ARMC9: variants seen among roughly 807,000 people sequenced by gnomAD.
ARMC9 encodes the protein lisH domain-containing protein ARMC9.
Under a neutral mutation model 107.0 loss-of-function variants are expected in ARMC9, and 94 were observed. The ratio of observed to expected loss-of-function variants is 0.88; its 90% confidence interval spans 0.74 to 1.04. ARMC9 has a LOEUF of 1.04. ARMC9 is among the 50% of genes least tolerant of loss of function. The pLI, the probability that ARMC9 is intolerant of heterozygous loss-of-function variation, is 0.00. For synonymous variants in ARMC9, 380 were observed against 396.9 expected (o/e 0.96, Z 0.51); for missense variants, 942 against 1,030.1 (o/e 0.91, Z 1.17).
At chr2:231,322,167 G>A (rs892204785) in intron 19 of ARMC9, among the ~76,000 whole-genome samples, 3 of 152,194 alleles carry the variant, frequency 2.0e-5, no homozygotes, top group Non-Finnish European at 2.9e-5. Flanking sequence ...TCCGCGTCGC[G>A]GGGAGCCCTC....
At position 231,211,736 on chromosome 2, in the gene ARMC9, G is replaced by T. The variant is rs144789817; in HGVS notation, c.178-3095G>T. On this transcript the variant is annotated intron_variant, in intron 3 of 24. Transcript: ENST00000611582. ...CCACCAGCAGTACATAAGCGTTCCA[G>T]TTTCTCTACATCCTTGCCAATGCTT... Among the ~76,000 whole-genome samples the T allele has an allele frequency of 1.8e-3, 280 of 152,238 alleles. 3 individuals are homozygous for T. Among genetic ancestry groups the T allele is most frequent in the African/African-American group, 6.4e-3 (267 of 41,534 alleles).
chr2:231,247,631 G>A (rs1301866155), intron 9 of ARMC9, among the ~76,000 whole-genome samples: 1 of 152,188 alleles, frequency 6.6e-6, no homozygotes, highest in Non-Finnish European at 1.5e-5. Context: ...GGTGATGAGA[G>A]GGTTTAACAC....
At chr2:231,275,914 T>A (rs963746435) in intron 14 of ARMC9, among the ~76,000 whole-genome samples, 3 of 152,100 alleles carry the variant, frequency 2.0e-5, no homozygotes, top group African/African-American at 7.2e-5. Flanking sequence ...GATCGTGCCA[T>A]TGCACTCCAG....
chr2:231,256,673 C>T (rs906264863), intron 10 of ARMC9, 53 bp downstream of exon 10: 32 of 1,577,532 alleles, frequency 2.0e-5, no homozygotes, highest in African/African-American at 5.4e-5. Context: ...ATGTGTAAAA[C>T]GGGAATTCAA....
chr2:231,355,092 A>T (rs1429187721), intron 21 of ARMC9, among the ~76,000 whole-genome samples: 1 of 152,216 alleles, frequency 6.6e-6, no homozygotes, highest in Non-Finnish European at 1.5e-5. Flanking sequence ...TAATCCCAGC[A>T]CTTTGGGAGG....
chr2:231,296,990 G>C (rs1356466461), intron 19 of ARMC9, among the ~76,000 whole-genome samples: 1 of 152,180 alleles, frequency 6.6e-6, no homozygotes, highest in Non-Finnish European at 1.5e-5. Context: ...TCTATTTTGG[G>C]GGGAGCATTC....
chr2:231,272,889 G>C, intron 13 of ARMC9, 66 bp from the exon 14 acceptor site: 1 of 1,556,858 alleles, frequency 6.4e-7, no homozygotes. Context: ...CGTGGAAAGT[G>C]GTTTTGTAGC....
intron 19 of ARMC9, among the ~76,000 whole-genome samples, chr2:231,305,134 TC>T (rs900523843): frequency 1.3e-5 from 2 of 152,196 alleles, no homozygotes; most frequent in Non-Finnish European, 2.9e-5. Flanking sequence ...TAAAATTAAT[TC>T]CTACCAGTTC....
Position 231,235,348 on chromosome 2 carries a change from G to A in ARMC9, c.747G>A (p.Val249=), listed in dbSNP as rs770407634. 3.7e-6 allele frequency: 6 copies of A among 1,614,196 alleles called. No individual in the cohort carries two copies. The Admixed American group carries it at 8.3e-5, about 22-fold the overall frequency. Residue 249 remains valine (V), a synonymous_variant, in exon 8 of 25, where the codon GTG becomes GTA. Coordinates refer to ENST00000611582, the MANE Select transcript of ARMC9 (RefSeq NM_001352754.2). Reference sequence around the variant, plus strand: ...TCATTGGAGTCACAGCAGAGCTGGTGGATTCTCTAGAGGCCACAGTCAGCG... The same window carrying A: ...TCATTGGAGTCACAGCAGAGCTGGTAGATTCTCTAGAGGCCACAGTCAGCG... ...HNLIGVTAEL[V]DSLEATVSGK... is the part of the protein sequence containing the mutation.
At chr2:231,314,910 T>G (rs1194224219) in intron 19 of ARMC9, among the ~76,000 whole-genome samples, 1 of 152,222 alleles carries the variant, frequency 6.6e-6, no homozygotes, top group Non-Finnish European at 1.5e-5. Flanking sequence ...TTGAAAAGAC[T>G]ATTATTCAAC....
intron 1 of ARMC9, among the ~76,000 whole-genome samples, chr2:231,205,671 A>C (rs2031870617): frequency 6.6e-6 from 1 of 152,210 alleles, no homozygotes. Context: ...CCATAAACTG[A>C]GTGGTGTCAA....
At chr2:231,254,680 G>GA (rs1167194043) in intron 9 of ARMC9, among the ~76,000 whole-genome samples, 6 of 151,248 alleles carry the variant, frequency 4.0e-5, no homozygotes, top group East Asian at 1.9e-4. Context: ...GAAAAAAATT[G>GA]AAAAAAATTG....
At chr2:231,293,801 C>T (rs899341196) in intron 18 of ARMC9, 1 of 152,164 alleles carries the variant, frequency 6.6e-6, no homozygotes, top group Non-Finnish European at 1.5e-5. Context: ...GGCAGGAGCC[C>T]GCCACTTTGA....
intron 19 of ARMC9, among the ~76,000 whole-genome samples, chr2:231,307,258 A>G (rs1342375225): frequency 1.3e-5 from 2 of 152,206 alleles, no homozygotes; most frequent in Non-Finnish European, 2.9e-5. Context: ...TGGCATAAGC[A>G]TGCTGAGGAC....
Position 231,271,044 on chromosome 2 carries a change from C to G in ARMC9, c.1182C>G (p.Leu394=). 3 of 1,614,138 alleles carry G rather than the reference C, an allele frequency of 1.9e-6. No individual in the cohort carries two copies. The highest frequency in any genetic ancestry group is 2.5e-6 in the Non-Finnish European group (3 of 1,180,030). The change falls in exon 13 of 25, where the codon CTC becomes CTG. Residue 394 remains leucine, a synonymous_variant. Coordinates refer to ENST00000611582, the MANE Select transcript of ARMC9 (RefSeq NM_001352754.2). ...SDVVRQYMAR[L]INAFASLAEG... ...TGGTGCGGCAGTACATGGCCAGGCTCATCAATGCTTTTGCGTCACTGGCAG... is the reference window on the plus strand; with the variant it reads ...TGGTGCGGCAGTACATGGCCAGGCTGATCAATGCTTTTGCGTCACTGGCAG...
chr2:231,369,848 C>A, intron 23 of ARMC9, 105 bp from the exon 24 acceptor site: 1 of 1,186,646 alleles, frequency 8.4e-7, no homozygotes, highest in Non-Finnish European at 1.1e-6. Flanking sequence ...TCCGCCTTGG[C>A]CTCTCAGAGT....
At chr2:231,313,445 T>A (rs2042469388) in intron 19 of ARMC9, among the ~76,000 whole-genome samples, 1 of 152,230 alleles carries the variant, frequency 6.6e-6, no homozygotes, top group Non-Finnish European at 1.5e-5. Context: ...GAGTATTTAT[T>A]TAGTGTGTTC....
chr2:231,330,244 T>TTC (rs1200270210), intron 19 of ARMC9, among the ~76,000 whole-genome samples: 8 of 149,214 alleles, frequency 5.4e-5, no homozygotes, highest in African/African-American at 2.0e-4. Flanking sequence ...TTTTTTTTTT[T>TTC]TGAGACGGAA....
chr2:231,295,598 CTCCT>C (rs1458363351), intron 18 of ARMC9: 1 of 152,304 alleles, frequency 6.6e-6, no homozygotes, highest in Admixed American at 6.5e-5. Context: ...CTTTCTGTAA[CTCCT>C]TTGTGCTACC....
Sources: allele counts gnomAD v4.1 joint callset (sites outside exome capture counted in the v4.1 genomes callset), GRCh38; gene constraint gnomAD v4.1.1; transcripts MANE v1.5; gene names NCBI Gene and HGNC (gene_info 2026-07-23, HGNC 2026-07-21).